Variants in CD96 observed in about 807,000 individuals in gnomAD.
The protein encoded by CD96 is T-cell surface protein tactile.
CD96 carries 70 observed loss-of-function variants against 71.3 expected under a neutral mutation model. The observed-to-expected ratio is 0.98, with a 90% CI of 0.81 to 1.20. CD96 has a LOEUF of 1.20. Ranked by LOEUF, CD96 falls within the 50% of genes most tolerant of loss-of-function variation. CD96 has a pLI of 0.00. For synonymous variants in CD96, 248 were observed against 233.0 expected, an observed-to-expected ratio of 1.06 and a Z score of -0.59; for missense variants, 742 against 677.5, an observed-to-expected ratio of 1.10 and a Z score of -1.06.
chr3:111,608,942 G>A (rs917412750), intron 8 of CD96, among the ~76,000 whole-genome samples: 1 of 152,146 alleles, frequency 6.6e-6, no homozygotes, highest in African/African-American at 2.4e-5. Flanking sequence ...TAAGATGAAA[G>A]GTGGTGTACC....
At chr3:111,569,394 T>G (rs992454782) in intron 3 of CD96, among the ~76,000 whole-genome samples, 1 of 152,226 alleles carries the variant, frequency 6.6e-6, no homozygotes, top group Non-Finnish European at 1.5e-5. Flanking sequence ...AAGTAAGTCT[T>G]CCTGGACAGT....
At chr3:111,553,209 T>C (rs1417100015) in intron 2 of CD96, among the ~76,000 whole-genome samples, 1 of 151,766 alleles carries the variant, frequency 6.6e-6, no homozygotes, top group Non-Finnish European at 1.5e-5. Context: ...AAACTAGATA[T>C]ATTGTGATTA....
At chr3:111,637,526 A>C (rs762570129) in intron 11 of CD96, among the ~76,000 whole-genome samples, 1 of 152,248 alleles carries the variant, frequency 6.6e-6, no homozygotes, top group African/African-American at 2.4e-5. Flanking sequence ...ATGAAAAATA[A>C]ATTTCAATTT....
chr3:111,570,314 G>A (rs1194799151), intron 3 of CD96, among the ~76,000 whole-genome samples: 2 of 152,080 alleles, frequency 1.3e-5, no homozygotes, highest in Non-Finnish European at 2.9e-5. Context: ...GTGATTTTGG[G>A]GGAGTCGAGG....
At chr3:111,599,505 A>G (rs2107646460) in intron 6 of CD96, among the ~76,000 whole-genome samples, 1 of 152,230 alleles carries the variant, frequency 6.6e-6, no homozygotes, top group East Asian at 1.9e-4. Flanking sequence ...GGATTACCTG[A>G]GGTTAGGAGT....
At chr3:111,633,460 C>T (rs1219831934) in intron 10 of CD96, among the ~76,000 whole-genome samples, 1 of 152,034 alleles carries the variant, frequency 6.6e-6, no homozygotes, top group Non-Finnish European at 1.5e-5. Flanking sequence ...AAAAATGGCA[C>T]CTATAGACTT....
chr3:111,559,283 C>A (rs1486867340), intron 2 of CD96, among the ~76,000 whole-genome samples: 1 of 115,696 alleles, frequency 8.6e-6, no homozygotes, highest in African/African-American at 3.3e-5. Context: ...TTTTCTAGTT[C>A]TTTTAATTGT....
intron 8 of CD96, among the ~76,000 whole-genome samples, chr3:111,608,804 T>C (rs1025518607): frequency 6.6e-6 from 1 of 152,218 alleles, no homozygotes; most frequent in East Asian, 1.9e-4. Flanking sequence ...TCCTTCACTA[T>C]GTAGATGTTA....
At chr3:111,587,583 G>A (rs1936774654) in intron 5 of CD96, among the ~76,000 whole-genome samples, 1 of 152,224 alleles carries the variant, frequency 6.6e-6, no homozygotes, top group Non-Finnish European at 1.5e-5. Context: ...TAGCATAGTG[G>A]GGACTACTTG....
chr3:111,618,091 T>G (rs776026696), intron 8 of CD96, among the ~76,000 whole-genome samples: 1 of 152,210 alleles, frequency 6.6e-6, no homozygotes, highest in Non-Finnish European at 1.5e-5. Flanking sequence ...GCAGCCAGTG[T>G]GCCTGGCTGT....
chr3:111,585,621 AAT>A (rs150394419), intron 5 of CD96, among the ~76,000 whole-genome samples: 1,685 of 152,270 alleles, frequency 0.011, 40 homozygotes, highest in African/African-American at 0.038. Context: ...CAGAAAAAAA[AAT>A]AGTCACAATT....
At chr3:111,619,176 A>T (rs1361496796) in intron 8 of CD96, among the ~76,000 whole-genome samples, 17 of 152,184 alleles carry the variant, frequency 1.1e-4, no homozygotes. Context: ...CTTTTAGAAC[A>T]TGTTTCTGTC....
At chr3:111,645,575 A>C (rs1939791904) in intron 12 of CD96, among the ~76,000 whole-genome samples, 2 of 152,190 alleles carry the variant, frequency 1.3e-5, no homozygotes, top group Admixed American at 1.3e-4. Flanking sequence ...CTTTGGACGT[A>C]AAATATTATA....
rs370006142 is a variant in CD96 at position 111,605,105 on chromosome 3, T to C, written c.1088-1595T>C. Among the ~76,000 whole-genome samples, 5 of 152,220 alleles carry C rather than the reference T, an allele frequency of 3.3e-5. No homozygotes were observed. The East Asian group carries it at 9.6e-4, about 29-fold the overall frequency. ...AATGCTGGTCTTCTTTCTTTCAGTG[T>C]TAAGAATAAATTTGCATGCATTGAT... On this transcript the variant is annotated intron_variant, in intron 7 of 13. Transcript: ENST00000352690.
downstream of CD96, among the ~76,000 whole-genome samples, chr3:111,654,597 A>G (rs1349103093): frequency 6.6e-6 from 1 of 152,126 alleles, no homozygotes; most frequent in Non-Finnish European, 1.5e-5. Context: ...GGTTCCTCAT[A>G]TTTGTTCAAA....
chr3:111,648,366 T>C (rs1939930439), intron 13 of CD96, among the ~76,000 whole-genome samples: 1 of 152,196 alleles, frequency 6.6e-6, no homozygotes, highest in African/African-American at 2.4e-5. Context: ...TTAACCATTG[T>C]GCCATATACT....
chr3:111,596,743 C>T (rs1053811999), intron 5 of CD96, among the ~76,000 whole-genome samples: 2 of 152,082 alleles, frequency 1.3e-5, no homozygotes, highest in East Asian at 3.8e-4. Context: ...CTCTCCTTTA[C>T]TTAATAAGAA....
At chr3:111,622,540 C>T (rs1265011889) in intron 8 of CD96, among the ~76,000 whole-genome samples, 5 of 152,134 alleles carry the variant, frequency 3.3e-5, no homozygotes, top group African/African-American at 1.2e-4. Context: ...AATGCATTAA[C>T]CACAATGCCA....
chr3:111,595,487 C>G (rs1193395442), intron 5 of CD96: 1 of 152,050 alleles, frequency 6.6e-6, no homozygotes, highest in Non-Finnish European at 1.5e-5. Flanking sequence ...GGTTTTTCTG[C>G]AACACTTAGA....
Sources: allele counts gnomAD v4.1 joint callset (sites outside exome capture counted in the v4.1 genomes callset), GRCh38; gene constraint gnomAD v4.1.1; transcripts MANE v1.5; gene names NCBI Gene and HGNC (gene_info 2026-07-23, HGNC 2026-07-21).